NALF1: variants seen among roughly 807,000 people sequenced by gnomAD.
NALF1 encodes the protein family with sequence similarity 155 member A.
A neutral mutation model predicts 48.4 loss-of-function variants in NALF1; 3 were observed. That is an observed-to-expected ratio of 0.06 (90% CI 0.03 to 0.16). The LOEUF (loss-of-function observed/expected upper bound fraction) is 0.16. NALF1 is among the 10% of genes least tolerant of loss of function. The probability of loss-of-function intolerance (pLI) is 1.00; values close to 1 mark genes in which losing one functional copy is unlikely to be tolerated. For synonymous variants in NALF1, 262 were observed against 245.7 expected (o/e 1.07, Z -0.62); for missense variants, 526 against 571.5 (o/e 0.92, Z 0.81).
chr13:107,644,108 G>A (rs1308863011), intron 1 of NALF1, among the ~76,000 whole-genome samples: 1 of 151,782 alleles, frequency 6.6e-6, no homozygotes, highest in East Asian at 1.9e-4. Flanking sequence ...TATGGATGAG[G>A]ATAATTTATA....
At chr13:107,612,610 T>C (rs1474372553) in intron 1 of NALF1, among the ~76,000 whole-genome samples, 1 of 151,702 alleles carries the variant, frequency 6.6e-6, no homozygotes, top group Admixed American at 6.6e-5. Flanking sequence ...AAAGGCAGAG[T>C]CAGAGAGAGC....
At chr13:107,709,848 C>G (rs149898911) in intron 1 of NALF1, among the ~76,000 whole-genome samples, 221 of 152,308 alleles carry the variant, frequency 1.5e-3, no homozygotes, top group African/African-American at 5.1e-3. Flanking sequence ...TATACCATGG[C>G]ACATTTTCCC....
At chr13:107,732,863 C>A (rs926072166) in intron 1 of NALF1, among the ~76,000 whole-genome samples, 2 of 152,126 alleles carry the variant, frequency 1.3e-5, no homozygotes, top group African/African-American at 4.8e-5. Context: ...TTTCACTCTT[C>A]GTCCATAAAG....
chr13:107,300,551 C>T (rs150261131), intron 1 of NALF1, among the ~76,000 whole-genome samples: 2 of 152,150 alleles, frequency 1.3e-5, no homozygotes, highest in East Asian at 1.9e-4. Flanking sequence ...TTATTTATTG[C>T]CATTTCCAAA....
intron 1 of NALF1, among the ~76,000 whole-genome samples, chr13:107,842,525 T>C (rs1245756549): frequency 6.6e-6 from 1 of 151,862 alleles, no homozygotes; most frequent in African/African-American, 2.4e-5. Context: ...AAAGTATCTT[T>C]AGAGTTTTTT....
chr13:107,221,306 G>A (rs907381459), intron 1 of NALF1, among the ~76,000 whole-genome samples: 10 of 152,172 alleles, frequency 6.6e-5, no homozygotes, highest in African/African-American at 2.4e-4. Context: ...GGCCAGGCAT[G>A]GTGGCTCATG....
intron 1 of NALF1, among the ~76,000 whole-genome samples, chr13:107,262,503 A>G (rs987101924): frequency 6.6e-6 from 1 of 152,196 alleles, no homozygotes; most frequent in Non-Finnish European, 1.5e-5. Flanking sequence ...AAACCAAAAC[A>G]ATAGTCATCT....
chr13:107,531,178 C>G (rs1876620009), intron 1 of NALF1: 1 of 168,080 alleles, frequency 5.9e-6, no homozygotes, highest in South Asian at 2.0e-4. Context: ...TTGTCCTCAT[C>G]CAAATCTCAT....
intron 1 of NALF1, among the ~76,000 whole-genome samples, chr13:107,782,598 A>T (rs1270088134): frequency 6.8e-6 from 1 of 146,676 alleles, no homozygotes; most frequent in South Asian, 2.1e-4. Context: ...CATCCCATCT[A>T]GGAAGTGAGG....
At chr13:107,491,891 T>C (rs911886923) in intron 1 of NALF1, among the ~76,000 whole-genome samples, 8 of 152,066 alleles carry the variant, frequency 5.3e-5, no homozygotes, top group African/African-American at 1.9e-4. Context: ...GGATCAATAA[T>C]TTTAAATGTT....
At chr13:107,180,391 A>C (rs772641894) in intron 2 of NALF1, among the ~76,000 whole-genome samples, 2 of 152,126 alleles carry the variant, frequency 1.3e-5, no homozygotes, top group Non-Finnish European at 2.9e-5. Context: ...AATCCTTAGA[A>C]TAAAACATGG....
At chr13:107,228,919 C>T (rs1880163637) in intron 1 of NALF1, among the ~76,000 whole-genome samples, 1 of 152,088 alleles carries the variant, frequency 6.6e-6, no homozygotes, top group Non-Finnish European at 1.5e-5. Flanking sequence ...CCACGCCCGC[C>T]TGGGTGCTGG....
At chr13:107,794,567 G>GA (rs748533317) in intron 1 of NALF1, among the ~76,000 whole-genome samples, 5 of 133,066 alleles carry the variant, frequency 3.8e-5, no homozygotes, top group African/African-American at 2.8e-5. Flanking sequence ...ACCAAAAAAA[G>GA]AAAAAAAAAG....
intron 1 of NALF1, among the ~76,000 whole-genome samples, chr13:107,285,904 A>G (rs1398931397): frequency 6.6e-6 from 1 of 152,174 alleles, no homozygotes; most frequent in East Asian, 1.9e-4. Context: ...AGTGTAAGGG[A>G]TGGATGGAAT....
At chr13:107,814,685 G>A (rs990425335) in intron 1 of NALF1, among the ~76,000 whole-genome samples, 4 of 151,910 alleles carry the variant, frequency 2.6e-5, no homozygotes, top group South Asian at 4.1e-4. Context: ...TACATGAATC[G>A]AAAACGGAAA....
intron 1 of NALF1, among the ~76,000 whole-genome samples, chr13:107,777,048 T>C (rs1877753933): frequency 6.6e-6 from 1 of 152,108 alleles, no homozygotes; most frequent in African/African-American, 2.4e-5. Flanking sequence ...GCTGTAATCC[T>C]GCCACTGCAC....
At chr13:107,293,030 G>C (rs1408535259) in intron 1 of NALF1, among the ~76,000 whole-genome samples, 1 of 141,590 alleles carries the variant, frequency 7.1e-6, no homozygotes, top group African/African-American at 2.6e-5. Context: ...GCCCAGGCTG[G>C]AGTGCAGTGG....
At chr13:107,414,522 T>TTAAATATAATTAAA in intron 1 of NALF1, among the ~76,000 whole-genome samples, 1 of 150,658 alleles carries the variant, frequency 6.6e-6, no homozygotes, top group Non-Finnish European at 1.5e-5. Flanking sequence ...TTAAATTTAA[T>TTAAATATAATTAAA]TATAATTAAA....
intron 1 of NALF1, among the ~76,000 whole-genome samples, chr13:107,318,059 T>G (rs1191610342): frequency 1.3e-5 from 2 of 152,072 alleles, no homozygotes; most frequent in African/African-American, 4.8e-5. Flanking sequence ...ATAAAAGGCA[T>G]GCAAATACGG....
Sources: allele counts gnomAD v4.1 joint callset (sites outside exome capture counted in the v4.1 genomes callset), GRCh38; gene constraint gnomAD v4.1.1; transcripts MANE v1.5; gene names NCBI Gene and HGNC (gene_info 2026-07-23, HGNC 2026-07-21).